Variants in PTPRG observed in about 807,000 individuals in gnomAD.
PTPRG encodes the protein receptor-type tyrosine-protein phosphatase gamma.
In PTPRG, 102 loss-of-function variants were observed where a neutral mutation model predicts 165.3. That is an observed-to-expected ratio of 0.62 (90% CI 0.53 to 0.73). PTPRG has a LOEUF of 0.73. PTPRG is among the 30% of genes least tolerant of loss of function. The probability of loss-of-function intolerance (pLI) is 0.00; values close to 1 mark genes in which losing one functional copy is unlikely to be tolerated. For synonymous variants in PTPRG, 675 were observed against 669.5 expected (o/e 1.01, Z -0.13); for missense variants, 1,866 against 1,861.4 (o/e 1.00, Z -0.05).
chr3:62,098,103 A>G (rs184505254), intron 5 of PTPRG, among the ~76,000 whole-genome samples: 4 of 152,312 alleles, frequency 2.6e-5, no homozygotes, highest in African/African-American at 9.6e-5. Context: ...AAATAGTTTA[A>G]TATCAATTTA....
chr3:62,161,814 T>G (rs993493985), intron 7 of PTPRG, among the ~76,000 whole-genome samples: 8 of 152,198 alleles, frequency 5.3e-5, no homozygotes, highest in Non-Finnish European at 8.8e-5. Context: ...ACTGGGAATT[T>G]AATATTCCAT....
chr3:61,773,296 C>A (rs1334477901), intron 2 of PTPRG, among the ~76,000 whole-genome samples: 1 of 151,970 alleles, frequency 6.6e-6, no homozygotes, highest in African/African-American at 2.4e-5. Flanking sequence ...GAAATTTTAC[C>A]AGGTAGAATA....
At chr3:61,967,104 A>G (rs1374010120) in intron 2 of PTPRG, among the ~76,000 whole-genome samples, 1 of 152,218 alleles carries the variant, frequency 6.6e-6, no homozygotes, top group African/African-American at 2.4e-5. Context: ...GGCTCAAGGA[A>G]AACTTCTTGA....
intron 6 of PTPRG, among the ~76,000 whole-genome samples, chr3:62,138,714 CAAAAAAAAA>C (rs563632840): frequency 4.4e-5 from 4 of 91,388 alleles, no homozygotes; most frequent in Non-Finnish European, 6.1e-5. Context: ...GGCAAAGCTC[CAAAAAAAAA>C]AAAAAAAAAA....
At chr3:62,101,110 G>A (rs916240869) in intron 5 of PTPRG, among the ~76,000 whole-genome samples, 1 of 152,194 alleles carries the variant, frequency 6.6e-6, no homozygotes, top group Non-Finnish European at 1.5e-5. Context: ...AGGAGTGTGA[G>A]GATGTAGACA....
At chr3:61,669,257 T>C (rs942760427) in intron 1 of PTPRG, among the ~76,000 whole-genome samples, 1 of 151,968 alleles carries the variant, frequency 6.6e-6, no homozygotes, top group African/African-American at 2.4e-5. Flanking sequence ...CCAGTGGGGT[T>C]GATGGATGAT....
chr3:62,065,665 A>G (rs1001401496), intron 4 of PTPRG, among the ~76,000 whole-genome samples: 2 of 152,208 alleles, frequency 1.3e-5, no homozygotes, highest in Admixed American at 1.3e-4. Flanking sequence ...CATTCATTCC[A>G]TAGTCATTTA....
chr3:61,594,988 A>G (rs1700660800), intron 1 of PTPRG, among the ~76,000 whole-genome samples: 1 of 152,014 alleles, frequency 6.6e-6, no homozygotes, highest in Non-Finnish European at 1.5e-5. Flanking sequence ...CTGTTGCGGG[A>G]AAATGAAAGT....
chr3:61,851,469 C>A (rs576447887), intron 2 of PTPRG, among the ~76,000 whole-genome samples: 33 of 152,016 alleles, frequency 2.2e-4, no homozygotes, highest in African/African-American at 7.7e-4. Flanking sequence ...ACAATACTAG[C>A]TGCCATCAAA....
rs533540906 is a variant in PTPRG, at chr3:62,094,574, T to C, written c.615+16316T>C. Among the ~76,000 whole-genome samples the C allele has an allele frequency of 1.8e-4, 27 of 152,340 alleles. 1 individual carries two copies. The South Asian group carries it at 5.4e-3, about 30-fold the overall frequency. ...AATTGGTTGTTGACGGTTATTGCCA[T>C]GCAGCTCCCCTGGTCCCATTGCTTC... On this transcript the variant is annotated intron_variant, in intron 5 of 29. Coordinates refer to ENST00000474889, the MANE Select transcript of PTPRG (RefSeq NM_002841.4).
At chr3:61,842,684 C>CAAAAAA (rs199500194) in intron 2 of PTPRG, among the ~76,000 whole-genome samples, 79 of 121,168 alleles carry the variant, frequency 6.5e-4, no homozygotes, top group East Asian at 9.9e-4. Flanking sequence ...GTATGTGTGG[C>CAAAAAA]AAAAAAAAAA....
chr3:62,257,533 G>T (rs550169281), intron 16 of PTPRG, among the ~76,000 whole-genome samples: 3 of 152,066 alleles, frequency 2.0e-5, no homozygotes, highest in East Asian at 1.9e-4. Flanking sequence ...TACTGATGAC[G>T]AAACTACCCA....
chr3:62,140,978 T>C (rs1703906676), intron 6 of PTPRG, among the ~76,000 whole-genome samples: 1 of 151,838 alleles, frequency 6.6e-6, no homozygotes, highest in Non-Finnish European at 1.5e-5. Flanking sequence ...TGCCCAGGTA[T>C]AATATAAAAA....
chr3:61,719,300 C>T (rs571685742), intron 1 of PTPRG, among the ~76,000 whole-genome samples: 1 of 152,298 alleles, frequency 6.6e-6, no homozygotes, highest in South Asian at 2.1e-4. Context: ...TTTTAATTAA[C>T]AGAGAAGACT....
intron 1 of PTPRG, among the ~76,000 whole-genome samples, chr3:61,696,497 C>T (rs944692580): frequency 6.6e-6 from 1 of 152,090 alleles, no homozygotes; most frequent in Non-Finnish European, 1.5e-5. Flanking sequence ...AGTGGGATTC[C>T]GTCTCAAAAA....
intron 2 of PTPRG, among the ~76,000 whole-genome samples, chr3:61,826,482 G>A (rs140376462): frequency 1.1e-4 from 17 of 151,730 alleles, no homozygotes; most frequent in African/African-American, 3.9e-4. Context: ...CAGTAATCTT[G>A]GAGTCACCCA....
intron 2 of PTPRG, among the ~76,000 whole-genome samples, chr3:61,909,368 G>A (rs1367420076): frequency 1.3e-5 from 2 of 151,994 alleles, no homozygotes; most frequent in Non-Finnish European, 2.9e-5. Flanking sequence ...TTCATTTTTT[G>A]AGATAGGGTC....
chr3:61,881,903 G>T (rs992951294), intron 2 of PTPRG, among the ~76,000 whole-genome samples: 2 of 152,190 alleles, frequency 1.3e-5, no homozygotes, highest in Non-Finnish European at 2.9e-5. Flanking sequence ...TTGACATTTT[G>T]GTTCCCCTGA....
chr3:61,923,823 A>G (rs1429130346), intron 2 of PTPRG, among the ~76,000 whole-genome samples: 1 of 150,020 alleles, frequency 6.7e-6, no homozygotes, highest in African/African-American at 2.5e-5. Context: ...AGCATGAGCC[A>G]CTGTGCCCGG....
Sources: gnomAD v4.1 joint callset for allele counts (sites outside exome capture counted in the v4.1 genomes callset) on GRCh38, gnomAD v4.1.1 for gene constraint, MANE v1.5 for transcripts, NCBI Gene and HGNC (gene_info 2026-07-23, HGNC 2026-07-21) for gene names.